Variants in ZNF438 observed in about 807,000 individuals in gnomAD.
The protein encoded by ZNF438 is zinc finger protein 438.
ZNF438 carries 25 observed loss-of-function variants against 38.0 expected under a neutral mutation model. The observed-to-expected ratio is 0.66, with a 90% CI of 0.48 to 0.92. The LOEUF (loss-of-function observed/expected upper bound fraction) is 0.92, where lower values mean the gene tolerates loss of function less well. ZNF438 is among the 40% of genes least tolerant of loss of function. The pLI, the probability that ZNF438 is intolerant of heterozygous loss-of-function variation, is 0.00. For synonymous variants in ZNF438, 372 were observed against 364.1 expected, an observed-to-expected ratio of 1.02 and a Z score of -0.25; for missense variants, 1,007 against 999.6, an observed-to-expected ratio of 1.01 and a Z score of -0.10.
intron 1 of ZNF438, among the ~76,000 whole-genome samples, chr10:30,987,937 T>C (rs943493944): frequency 6.6e-6 from 1 of 152,232 alleles, no homozygotes; most frequent in African/African-American, 2.4e-5. Context: ...TTAATTTTTA[T>C]GGCGAACTTA....
intron 4 of ZNF438, chr10:30,875,441 G>A (rs938052399): frequency 1.0e-6 from 1 of 977,042 alleles, no homozygotes; most frequent in Non-Finnish European, 1.2e-6. Flanking sequence ...TTGGAGGCAG[G>A]TATGGAATGG....
At chr10:30,998,506 G>A (rs2054291239) in intron 1 of ZNF438, among the ~76,000 whole-genome samples, 1 of 121,960 alleles carries the variant, frequency 8.2e-6, no homozygotes, top group Non-Finnish European at 1.6e-5. Flanking sequence ...TCACGCCCCT[G>A]CACTCCAGCC....
intron 1 of ZNF438, among the ~76,000 whole-genome samples, chr10:31,005,006 G>A (rs945989745): frequency 6.6e-6 from 1 of 152,176 alleles, no homozygotes; most frequent in Non-Finnish European, 1.5e-5. Flanking sequence ...ATACACTGTT[G>A]GTGGGAATGC....
chr10:30,849,915 G>A, exon 5 of ZNF438: 1 of 1,614,200 alleles, frequency 6.2e-7, no homozygotes, highest in Non-Finnish European at 8.5e-7. Flanking sequence ...GGGTGGTGAG[G>A]TGGGGAAGGG....
At chr10:30,914,984 C>T (rs189101242) in intron 2 of ZNF438, among the ~76,000 whole-genome samples, 31 of 151,962 alleles carry the variant, frequency 2.0e-4, no homozygotes, top group Non-Finnish European at 3.7e-4. Context: ...AAGCTCAAAA[C>T]TTGTTTAGGC....
intron 1 of ZNF438, among the ~76,000 whole-genome samples, chr10:30,976,310 G>A (rs2051337249): frequency 6.6e-6 from 1 of 152,152 alleles, no homozygotes; most frequent in Non-Finnish European, 1.5e-5. Context: ...TAAAATCCAA[G>A]TATGTTCTAC....
At chr10:30,918,747 T>A (rs929627868) in intron 2 of ZNF438, among the ~76,000 whole-genome samples, 1 of 152,172 alleles carries the variant, frequency 6.6e-6, no homozygotes, top group Non-Finnish European at 1.5e-5. Flanking sequence ...TCTAACAATA[T>A]ACATGCTGGA....
At chr10:31,010,615 A>C (rs1277920958) in intron 1 of ZNF438, among the ~76,000 whole-genome samples, 1 of 152,222 alleles carries the variant, frequency 6.6e-6, no homozygotes, top group Non-Finnish European at 1.5e-5. Flanking sequence ...GGCTAGACAC[A>C]ATGGCTCATG....
At chr10:31,002,673 A>G (rs2054772557) in intron 1 of ZNF438, among the ~76,000 whole-genome samples, 1 of 152,216 alleles carries the variant, frequency 6.6e-6, no homozygotes, top group Admixed American at 6.5e-5. Context: ...CCCTTTGCTA[A>G]GATGGCTAGG....
At position 30,860,941 on chromosome 10, in the gene ZNF438, T is replaced by C. The variant is rs116173460; in HGVS notation, c.38-10574A>G. On this transcript the variant is annotated intron_variant, in intron 4 of 5. Transcript: ENST00000413025. The stretch of plus-strand genomic sequence containing the variant: ...GGGCCCAGAGTGGGGTTAGGGACAC[T>C]TGCCTTGCAGACTTTAGTATTTTGC... 5.9e-3 allele frequency among the ~76,000 whole-genome samples: 899 copies of C among 152,282 alleles called. 8 individuals are homozygous for C. Among genetic ancestry groups the C allele is most frequent in the African/African-American group, 0.021 (865 of 41,548 alleles).
intron 3 of ZNF438, among the ~76,000 whole-genome samples, chr10:30,891,732 G>GTCT (rs1337593927): frequency 6.6e-6 from 1 of 152,102 alleles, no homozygotes; most frequent in East Asian, 1.9e-4. Context: ...TTTTAGTTAA[G>GTCT]TCTAGAAAGA....
Position 30,961,603 on chromosome 10 carries a change from AG to A in ZNF438, c.-191-19953del, listed in dbSNP as rs1389258026. Among the ~76,000 whole-genome samples the A allele has an allele frequency of 3.9e-4, 57 of 146,594 alleles. 2 individuals carry two copies. The highest frequency in any genetic ancestry group is 1.3e-3 in the African/African-American group (54 of 41,078). ...CCTGCCTGTATTAGAAGACAAGAATAGGGCTGGGCACAGTGGCTCACGCCTG... is the reference window on the plus strand; with the variant it reads ...CCTGCCTGTATTAGAAGACAAGAATAGGCTGGGCACAGTGGCTCACGCCTG... On this transcript the variant is annotated intron_variant, in intron 1 of 5. Transcript: ENST00000413025.
intron 2 of ZNF438, among the ~76,000 whole-genome samples, chr10:30,923,571 G>A (rs190414343): frequency 2.0e-4 from 31 of 152,168 alleles, no homozygotes; most frequent in African/African-American, 5.3e-4. Flanking sequence ...AAGCTGTTAC[G>A]CGCACCCTTT....
chr10:30,972,998 A>T (rs2050913766), intron 1 of ZNF438, among the ~76,000 whole-genome samples: 1 of 152,218 alleles, frequency 6.6e-6, no homozygotes, highest in Admixed American at 6.5e-5. Flanking sequence ...CTGAATACAG[A>T]AAGCACATGT....
chr10:31,032,090 C>T (rs537860281), upstream of ZNF438, among the ~76,000 whole-genome samples: 5 of 152,190 alleles, frequency 3.3e-5, no homozygotes, highest in South Asian at 4.1e-4. Flanking sequence ...CCTGCGGCGG[C>T]GACTGCTCTA....
At chr10:31,031,895 C>T (rs1196037976) in exon 1 of ZNF438, 1 of 152,404 alleles carries the variant, frequency 6.6e-6, no homozygotes, top group Non-Finnish European at 1.5e-5. Flanking sequence ...TCGGGGAGGT[C>T]AAGCCACGGG....
At chr10:30,862,653 C>CT (rs1162367767) in intron 4 of ZNF438, among the ~76,000 whole-genome samples, 1 of 152,142 alleles carries the variant, frequency 6.6e-6, no homozygotes, top group Non-Finnish European at 1.5e-5. Context: ...TCTTTGATGA[C>CT]TAACAAGATG....
At position 30,850,380 on chromosome 10, in the gene ZNF438, T is replaced by C. The variant is rs1171635572; in HGVS notation, c.38-13A>G. 1.2e-6 allele frequency: 2 copies of C among 1,603,664 alleles called. No individual in the cohort carries two copies. The highest frequency in any genetic ancestry group is 1.7e-6 in the Non-Finnish European group (2 of 1,174,908). ...ATGTTTGATTCACCTGCAATGACAATAAAATATAAAGAGTTACTGTATGTA... is the reference window on the plus strand; with the variant it reads ...ATGTTTGATTCACCTGCAATGACAACAAAATATAAAGAGTTACTGTATGTA... On this transcript the variant is annotated splice_polypyrimidine_tract_variant and intron_variant, in intron 4 of 5. Coordinates refer to ENST00000413025, the Ensembl canonical transcript of ZNF438.
intron 1 of ZNF438, among the ~76,000 whole-genome samples, chr10:30,974,472 AG>A (rs1162140737): frequency 2.6e-5 from 4 of 152,210 alleles, no homozygotes; most frequent in Non-Finnish European, 4.4e-5. Flanking sequence ...AATCGTTTCA[AG>A]AAAACAAAAA....
Sources: allele counts gnomAD v4.1 joint callset (sites outside exome capture counted in the v4.1 genomes callset), GRCh38; gene constraint gnomAD v4.1.1; transcripts MANE v1.5; gene names NCBI Gene and HGNC (gene_info 2026-07-23, HGNC 2026-07-21).